The following VPS13D variants were observed in gnomAD, a reference collection of about 807,000 sequenced individuals.
The protein encoded by VPS13D is vacuolar protein sorting 13 homolog D.
A neutral mutation model predicts 461.9 loss-of-function variants in VPS13D; 187 were observed. That is an observed-to-expected ratio of 0.40 (90% CI 0.36 to 0.46). The LOEUF (loss-of-function observed/expected upper bound fraction) is 0.46, where lower values mean the gene tolerates loss of function less well. VPS13D is among the 20% of genes least tolerant of loss of function. The pLI is 0.60. For missense variants in VPS13D, 4,711 were observed against 5,364.9 expected (o/e 0.88, Z 3.81); for synonymous variants, 1,951 against 1,986.3 (o/e 0.98, Z 0.47).
At chr1:12,266,217 A>G (rs1641262289) in intron 13 of VPS13D, among the ~76,000 whole-genome samples, 1 of 152,230 alleles carries the variant, frequency 6.6e-6, no homozygotes, top group African/African-American at 2.4e-5. Context: ...TTAGGATACT[A>G]AATCAACTTA....
chr1:12,401,521 A>G (rs1383466415), intron 61 of VPS13D, 87 bp from the exon 62 acceptor site: 2 of 908,698 alleles, frequency 2.2e-6, no homozygotes, highest in Admixed American at 2.2e-5. Flanking sequence ...TAATGAAAGC[A>G]TACCATGTCA....
chr1:12,403,818 G>T lies in VPS13D; in HGVS notation c.11882-7G>T. On this transcript the variant is annotated splice_region_variant and splice_polypyrimidine_tract_variant and intron_variant, in intron 62 of 69. Coordinates refer to ENST00000620676, the MANE Select transcript of VPS13D (RefSeq NM_015378.4). The stretch of plus-strand genomic sequence containing the variant: ...TTTTTGTTTTTTTAATTCTTCCTTT[G>T]TACCAGAGGTGGAAAAATATGATGA... 1.9e-6 allele frequency: 3 copies of T among 1,586,568 alleles called. No individual in the cohort carries two copies. Among genetic ancestry groups the T allele is most frequent in the East Asian group, 2.3e-5 (1 of 43,644 alleles).
chr1:12,276,867 G>C lies in VPS13D; in HGVS notation c.3279G>C (p.Ser1093=). ...EYQFVSSECP[S]MNLDSTLQVI... Reference sequence around the variant, plus strand: ...AGTTTGTGAGTTCAGAGTGCCCATCGATGAATTTAGACAGTACTCTTCAGG... The same window carrying C: ...AGTTTGTGAGTTCAGAGTGCCCATCCATGAATTTAGACAGTACTCTTCAGG... Residue 1093 remains serine (S), a synonymous_variant, in exon 19 of 70, where the codon TCG becomes TCC. Transcript: ENST00000620676. The surrounding 1 kb of genome is among the most constrained non-coding windows in gnomAD (Gnocchi z 4.5). The C allele has an allele frequency of 1.2e-6, 2 of 1,614,124 alleles. No individual in the cohort carries two copies. The highest frequency in any genetic ancestry group is 2.2e-5 in the South Asian group (2 of 91,070).
At chr1:12,394,706 C>T (rs1644472627) in intron 60 of VPS13D, among the ~76,000 whole-genome samples, 1 of 152,166 alleles carries the variant, frequency 6.6e-6, no homozygotes, top group African/African-American at 2.4e-5. Context: ...ATCCCAGTCT[C>T]CCTAATCCTT....
chr1:12,429,084 G>T lies in VPS13D; in HGVS notation c.12333+12257G>T, dbSNP rs1399633652. 2.0e-5 allele frequency among the ~76,000 whole-genome samples: 3 copies of T among 151,922 alleles called. No homozygotes were observed. In the East Asian group the frequency reaches 5.8e-4, roughly 29 times the overall value. ...CATCCCAGAGTAGACCCTGTGGAGGGGGGCCAGGATTTTATCTGACAACTT... is the reference window on the plus strand; with the variant it reads ...CATCCCAGAGTAGACCCTGTGGAGGTGGGCCAGGATTTTATCTGACAACTT... On this transcript the variant is annotated intron_variant, in intron 65 of 69. Transcript: ENST00000620676.
In VPS13D at chr1:12,409,791, G is replaced by A. The variant is rs546854044; in HGVS notation, c.12031-5296G>A. On this transcript the variant is annotated intron_variant, in intron 63 of 69. Transcript: ENST00000620676. ...TGAGAACTTCAAGAAAAGACAGATC[G>A]TGGGGGCGGGGTTGGGGAGTGTCCA... The A allele has an allele frequency of 2.0e-5, 9 of 441,586 alleles. 1 individual carries two copies. Among genetic ancestry groups the A allele is most frequent in the African/African-American group, 6.1e-5 (3 of 49,098 alleles). The allele number at this position is 441,586 out of a possible 1,614,324, so 27.4% of individuals were successfully genotyped here. A position where few individuals can be genotyped will look rare whatever the true frequency, so the allele number is the denominator to read the frequency against.
At chr1:12,274,184 G>C (rs1390007784) in intron 18 of VPS13D, among the ~76,000 whole-genome samples, 1 of 152,156 alleles carries the variant, frequency 6.6e-6, no homozygotes, top group Non-Finnish European at 1.5e-5. Flanking sequence ...GGAATTACAG[G>C]TGCCCACCAC....
At chr1:12,255,832 A>C (rs1212787373) in intron 7 of VPS13D, among the ~76,000 whole-genome samples, 2 of 150,792 alleles carry the variant, frequency 1.3e-5, no homozygotes, top group Non-Finnish European at 1.5e-5. Context: ...CGGAGGTTGC[A>C]GTGAGCCGAG....
chr1:12,396,744 A>G lies in VPS13D; in HGVS notation c.11635-3437A>G, dbSNP rs1383903053. Among the ~76,000 whole-genome samples, 4 of 152,178 alleles carry G rather than the reference A, an allele frequency of 2.6e-5. No homozygotes were observed. In the East Asian group the frequency reaches 5.8e-4, roughly 22 times the overall value. ...TCAGAAGAAATTTTTCTTTTATTAT[A>G]TATCACGAATAACAGAGAATTCAGG... On this transcript the variant is annotated intron_variant, in intron 60 of 69. Transcript: ENST00000620676.
At chr1:12,347,223 T>TGCAGTGGTGCCGTCTCAGCTCACTGCAAC (rs2101586298) in intron 44 of VPS13D, among the ~76,000 whole-genome samples, 1 of 152,234 alleles carries the variant, frequency 6.6e-6, no homozygotes, top group East Asian at 1.9e-4. Context: ...CAGGCTGGAA[T>TGCAGTGGTGCCGTCTCAGCTCACTGCAAC]GCAGTGGTGC....
At chr1:12,293,815 T>C (rs1076677) in intron 24 of VPS13D, 111 bp downstream of exon 24, 18,928 of 1,113,450 alleles carry the variant, frequency 0.017, 239 homozygotes, top group African/African-American at 0.044. Flanking sequence ...CTTGCTAATA[T>C]GTTCTCCGTG....
At chr1:12,319,448 T>C in intron 31 of VPS13D, 49 bp from the exon 32 acceptor site, 1 of 1,608,320 alleles carries the variant, frequency 6.2e-7, no homozygotes, top group Non-Finnish European at 8.5e-7. Flanking sequence ...CAGCCTGGTG[T>C]TTTCCAGCTT....
At chr1:12,423,780 T>C (rs1644891105) in intron 65 of VPS13D, among the ~76,000 whole-genome samples, 1 of 152,182 alleles carries the variant, frequency 6.6e-6, no homozygotes, top group African/African-American at 2.4e-5. Flanking sequence ...ACTATGACCT[T>C]GTTGAGGAGA....
At chr1:12,358,327 T>G in intron 49 of VPS13D, 132 bp from the exon 50 acceptor site, 2 of 1,222,614 alleles carry the variant, frequency 1.6e-6, no homozygotes, top group Non-Finnish European at 2.3e-6. Context: ...GGGAATCACA[T>G]GAGAGTGAGG....
intron 18 of VPS13D, among the ~76,000 whole-genome samples, chr1:12,274,432 G>C (rs1159901219): frequency 6.6e-6 from 1 of 151,404 alleles, no homozygotes; most frequent in Non-Finnish European, 1.5e-5. Flanking sequence ...CTGTCTTGGC[G>C]ACCCAAAGTG....
intron 44 of VPS13D, among the ~76,000 whole-genome samples, chr1:12,348,176 C>T (rs964844777): frequency 6.6e-6 from 1 of 152,224 alleles, no homozygotes; most frequent in African/African-American, 2.4e-5. Context: ...TTCTTTTACA[C>T]TTTCTGGATT....
intron 50 of VPS13D, among the ~76,000 whole-genome samples, chr1:12,361,294 C>T (rs907795066): frequency 2.8e-4 from 43 of 151,678 alleles, no homozygotes; most frequent in Admixed American, 1.6e-3. Context: ...CAGCCCAGTA[C>T]GTTGAATGTC....
intron 2 of VPS13D, among the ~76,000 whole-genome samples, chr1:12,237,131 A>G (rs1158282396): frequency 1.3e-5 from 2 of 149,882 alleles, no homozygotes; most frequent in East Asian, 1.9e-4. Flanking sequence ...CTGTGTGTGT[A>G]TATATATGTG....
chr1:12,361,406 T>TATTTA (rs1373532502), intron 50 of VPS13D, among the ~76,000 whole-genome samples: 35 of 145,496 alleles, frequency 2.4e-4, no homozygotes, highest in African/African-American at 8.6e-4. Flanking sequence ...TTTATTTATT[T>TATTTA]TTTTTTTGAG....
Sources: gnomAD v4.1 joint callset for allele counts (sites outside exome capture counted in the v4.1 genomes callset) on GRCh38, gnomAD v4.1.1 for gene constraint, Gnocchi (gnomAD v3.1) non-coding constraint, MANE v1.5 for transcripts, NCBI Gene and HGNC (gene_info 2026-07-23, HGNC 2026-07-21) for gene names.